Variants in NRXN1 observed in about 807,000 individuals in gnomAD.
The protein encoded by NRXN1 is neurexin 1.
In NRXN1, 39 loss-of-function variants were observed where a neutral mutation model predicts 150.9. That is an observed-to-expected ratio of 0.26 (90% CI 0.20 to 0.34). The LOEUF (loss-of-function observed/expected upper bound fraction) is 0.34, where lower values mean the gene tolerates loss of function less well. NRXN1 is among the 10% of genes least tolerant of loss of function. The pLI, the probability that NRXN1 is intolerant of heterozygous loss-of-function variation, is 1.00. For synonymous variants in NRXN1, 924 were observed against 757.0 expected (o/e 1.22, Z -3.62); for missense variants, 1,815 against 1,949.9 (o/e 0.93, Z 1.30).
chr2:50,040,313 A>G (rs980279241), intron 21 of NRXN1, among the ~76,000 whole-genome samples: 1 of 151,260 alleles, frequency 6.6e-6, no homozygotes, highest in Non-Finnish European at 1.5e-5. Context: ...ACTTAAAGCA[A>G]CAAAATTTAT....
At chr2:50,156,532 C>A (rs1331294874) in intron 18 of NRXN1, among the ~76,000 whole-genome samples, 1 of 151,718 alleles carries the variant, frequency 6.6e-6, no homozygotes, top group Non-Finnish European at 1.5e-5. Context: ...TGAATGTGGA[C>A]ACATTTTATA....
intron 15 of NRXN1, among the ~76,000 whole-genome samples, chr2:50,493,541 C>T (rs1490584824): frequency 6.6e-6 from 1 of 152,162 alleles, no homozygotes; most frequent in African/African-American, 2.4e-5. Flanking sequence ...GTCAATGCTC[C>T]ATAAATACTC....
At chr2:50,621,778 T>C (rs532266410) in intron 6 of NRXN1, among the ~76,000 whole-genome samples, 1 of 152,242 alleles carries the variant, frequency 6.6e-6, no homozygotes, top group Admixed American at 6.5e-5. Flanking sequence ...CTTCCTTCGG[T>C]CATATTGATG....
intron 21 of NRXN1, among the ~76,000 whole-genome samples, chr2:50,052,679 C>G (rs1321460525): frequency 6.6e-6 from 1 of 152,100 alleles, no homozygotes; most frequent in Non-Finnish European, 1.5e-5. Context: ...CAATTAATCA[C>G]ATACACAAAA....
At chr2:50,942,706 C>T (rs1036515133) in intron 2 of NRXN1, among the ~76,000 whole-genome samples, 6 of 152,172 alleles carry the variant, frequency 3.9e-5, no homozygotes, top group African/African-American at 1.4e-4. Context: ...CCTAAACTTC[C>T]ATTGTATCTT....
intron 21 of NRXN1, chr2:49,944,990 GA>G (rs1162614922): frequency 1.1e-4 from 17 of 152,280 alleles, no homozygotes; most frequent in Admixed American, 4.6e-4. Flanking sequence ...AAATGGAGAC[GA>G]GGGGTGATGA....
At chr2:50,254,909 A>G (rs992408697) in intron 17 of NRXN1, among the ~76,000 whole-genome samples, 3 of 151,932 alleles carry the variant, frequency 2.0e-5, no homozygotes, top group Non-Finnish European at 4.4e-5. Flanking sequence ...TGAACTCAAG[A>G]GATCCTCCCA....
chr2:50,708,810 A>G (rs1338409845), intron 5 of NRXN1, among the ~76,000 whole-genome samples: 1 of 152,114 alleles, frequency 6.6e-6, no homozygotes, highest in Admixed American at 6.5e-5. Context: ...CTACTCATGT[A>G]AGGAGCCAGA....
At chr2:50,294,341 CAAAT>C (rs1190528258) in intron 17 of NRXN1, among the ~76,000 whole-genome samples, 1 of 152,040 alleles carries the variant, frequency 6.6e-6, no homozygotes, top group Non-Finnish European at 1.5e-5. Flanking sequence ...ACAAAAATAA[CAAAT>C]TATTTATTTA....
chr2:50,129,099 G>T (rs1364998456), intron 18 of NRXN1, among the ~76,000 whole-genome samples: 2 of 152,116 alleles, frequency 1.3e-5, no homozygotes, highest in Non-Finnish European at 2.9e-5. Flanking sequence ...CTATGATTTT[G>T]CTGATCTCTT....
chr2:50,727,839 T>C (rs956503422), intron 5 of NRXN1, among the ~76,000 whole-genome samples: 1 of 151,994 alleles, frequency 6.6e-6, no homozygotes, highest in Admixed American at 6.6e-5. Context: ...GGTGGGTAGA[T>C]GAGGGGAAAG....
In NRXN1 at chr2:50,346,673, T is replaced by C. The variant is rs199700602; in HGVS notation, c.3365-109703A>G. 3.7e-6 allele frequency: 6 copies of C among 1,612,130 alleles called. No individual in the cohort carries two copies. The East Asian group carries it at 1.3e-4, about 36-fold the overall frequency. On this transcript the variant is annotated intron_variant, in intron 17 of 22. Coordinates refer to ENST00000401669, the MANE Select transcript of NRXN1 (RefSeq NM_001330078.2). This position sits in a 1 kb window ranked among gnomAD's most constrained non-coding sequence, Gnocchi z 5.0. Reference sequence around the variant, plus strand: ...GAGCGAGGGGATAACCCGCGAGAACTTGGCATCGCAGACCCACCGTGTCCG... The same window carrying C: ...GAGCGAGGGGATAACCCGCGAGAACCTGGCATCGCAGACCCACCGTGTCCG...
At chr2:50,257,559 T>C (rs576644815) in intron 17 of NRXN1, among the ~76,000 whole-genome samples, 6 of 151,996 alleles carry the variant, frequency 3.9e-5, no homozygotes, top group African/African-American at 9.7e-5. Context: ...CTATTTGAAA[T>C]GTAATCATCA....
intron 5 of NRXN1, among the ~76,000 whole-genome samples, chr2:50,660,283 T>C (rs991341338): frequency 3.9e-5 from 6 of 152,014 alleles, no homozygotes; most frequent in African/African-American, 1.2e-4. Flanking sequence ...AGGTAATAAA[T>C]TGCAAGGTTA....
intron 5 of NRXN1, among the ~76,000 whole-genome samples, chr2:50,812,031 C>T (rs1442504231): frequency 6.6e-6 from 1 of 151,858 alleles, no homozygotes; most frequent in Non-Finnish European, 1.5e-5. Context: ...TAATTGTATA[C>T]AGATGTTAAG....
At chr2:50,265,251 G>GA (rs1553342299) in intron 17 of NRXN1, among the ~76,000 whole-genome samples, 3 of 151,586 alleles carry the variant, frequency 2.0e-5, no homozygotes, top group Non-Finnish European at 2.9e-5. Context: ...AACAAACACC[G>GA]AAAAAAAATG....
intron 8 of NRXN1, among the ~76,000 whole-genome samples, chr2:50,592,471 T>C (rs552409301): frequency 6.6e-6 from 1 of 152,284 alleles, no homozygotes; most frequent in East Asian, 1.9e-4. Context: ...AGACAGTCCC[T>C]CTGTGAGGAG....
intron 8 of NRXN1, among the ~76,000 whole-genome samples, chr2:50,610,954 C>A (rs1388809660): frequency 6.7e-6 from 1 of 149,400 alleles, no homozygotes; most frequent in Non-Finnish European, 1.5e-5. Context: ...CCATGTTGGC[C>A]AGGCTGGTCT....
intron 17 of NRXN1, among the ~76,000 whole-genome samples, chr2:50,291,735 A>G (rs1462922248): frequency 6.6e-6 from 1 of 152,206 alleles, no homozygotes; most frequent in Non-Finnish European, 1.5e-5. Flanking sequence ...TTATTTGAAA[A>G]GAGCAAGTGT....
Sources: gnomAD v4.1 joint callset for allele counts (sites outside exome capture counted in the v4.1 genomes callset) on GRCh38, gnomAD v4.1.1 for gene constraint, Gnocchi (gnomAD v3.1) non-coding constraint, MANE v1.5 for transcripts, NCBI Gene and HGNC (gene_info 2026-07-23, HGNC 2026-07-21) for gene names.